Variants in PTPRQ observed in about 807,000 individuals in gnomAD.
PTPRQ encodes the protein protein tyrosine phosphatase receptor type Q.
Under a neutral mutation model 246.0 loss-of-function variants are expected in PTPRQ, and 199 were observed. The ratio of observed to expected loss-of-function variants is 0.81; its 90% CI spans 0.72 to 0.91. The LOEUF (loss-of-function observed/expected upper bound fraction) is 0.91. PTPRQ is among the 40% of genes least tolerant of loss of function. The pLI, the probability that PTPRQ is intolerant of heterozygous loss-of-function variation, is 0.00. For missense variants in PTPRQ, 2,624 were observed against 2,528.4 expected, an observed-to-expected ratio of 1.04 and a Z score of -0.81; for synonymous variants, 869 against 853.2, an observed-to-expected ratio of 1.02 and a Z score of -0.32.
rs1894219073 is a variant in PTPRQ, at chr12:80,484,797, G to C, written c.1359+192G>C. Among the ~76,000 whole-genome samples, 3 of 152,142 alleles carry C rather than the reference G, an allele frequency of 2.0e-5. No homozygotes were observed. In the South Asian group the frequency reaches 6.2e-4, roughly 31 times the overall value. On this transcript the variant is annotated intron_variant, in intron 9 of 44. Transcript: ENST00000644991. Reference sequence around the variant, plus strand: ...TTAGGTTATATATTATTAGTTAAGTGCTATTATTCCTTTTCATCATATGAA... The same window carrying C: ...TTAGGTTATATATTATTAGTTAAGTCCTATTATTCCTTTTCATCATATGAA...
intron 17 of PTPRQ, among the ~76,000 whole-genome samples, chr12:80,527,142 A>G (rs1382167659): frequency 1.3e-5 from 2 of 152,062 alleles, no homozygotes; most frequent in African/African-American, 4.8e-5. Flanking sequence ...TCTTGACTAA[A>G]TGTGTTAAAA....
intron 9 of PTPRQ, among the ~76,000 whole-genome samples, chr12:80,492,127 T>C (rs1555188057): frequency 6.6e-6 from 1 of 151,962 alleles, no homozygotes; most frequent in Non-Finnish European, 1.5e-5. Context: ...GAAAAGAGTC[T>C]AATAAGCCTC....
intron 25 of PTPRQ, among the ~76,000 whole-genome samples, chr12:80,552,329 C>T (rs533171186): frequency 6.6e-6 from 1 of 151,996 alleles, no homozygotes; most frequent in Admixed American, 6.6e-5. Context: ...GGTGGTCTAG[C>T]ACCAGGTATA....
intron 25 of PTPRQ, among the ~76,000 whole-genome samples, chr12:80,559,688 A>G (rs1896768261): frequency 6.6e-6 from 1 of 152,232 alleles, no homozygotes; most frequent in Non-Finnish European, 1.5e-5. Context: ...CAAAACAACC[A>G]TCAGTGAATA....
chr12:80,648,398 AATAATGGAAATAGTT>A (rs2307920), intron 35 of PTPRQ, among the ~76,000 whole-genome samples: 2,758 of 152,222 alleles, frequency 0.018, 73 homozygotes, highest in African/African-American at 0.063. Context: ...ATAGGTCTAA[AATAATGGAAATAGTT>A]ATAATTTGTT....
At chr12:80,555,692 A>C (rs1896624382) in intron 25 of PTPRQ, among the ~76,000 whole-genome samples, 1 of 152,206 alleles carries the variant, frequency 6.6e-6, no homozygotes, top group South Asian at 2.1e-4. Context: ...GAGGGAAATA[A>C]CTATTAGTAT....
chr12:80,642,770 A>G (rs984516356), intron 35 of PTPRQ, among the ~76,000 whole-genome samples: 1 of 150,542 alleles, frequency 6.6e-6, no homozygotes, highest in East Asian at 2.0e-4. Flanking sequence ...AATACAAAAA[A>G]TTAGCCGGGC....
In PTPRQ at chr12:80,673,318, A is replaced by G; in HGVS notation, c.6738+14A>G. 6.5e-7 allele frequency: 1 copy of G among 1,541,642 alleles called. No homozygotes were observed. Among genetic ancestry groups the G allele is most frequent in the Non-Finnish European group, 8.8e-7 (1 of 1,142,770 alleles). ...GTGCAGAATCTGGTAAGATCTCTAAACCTGCACTGCATTCTAAAGTTCTAG... is the reference window on the plus strand; with the variant it reads ...GTGCAGAATCTGGTAAGATCTCTAAGCCTGCACTGCATTCTAAAGTTCTAG... On this transcript the variant is annotated intron_variant, in intron 43 of 44. Transcript: ENST00000644991.
At chr12:80,465,535 G>A (rs1049539399) in intron 6 of PTPRQ, 12 of 152,152 alleles carry the variant, frequency 7.9e-5, no homozygotes, top group African/African-American at 1.7e-4. Context: ...TACCAAAGCC[G>A]GGTAGAGACA....
intron 14 of PTPRQ, among the ~76,000 whole-genome samples, chr12:80,498,716 G>A (rs1894704503): frequency 6.6e-6 from 1 of 151,982 alleles, no homozygotes; most frequent in African/African-American, 2.4e-5. Flanking sequence ...AGCATGGGGA[G>A]GAAAGTAATA....
intron 28 of PTPRQ, among the ~76,000 whole-genome samples, chr12:80,613,365 A>G (rs1898626372): frequency 6.6e-6 from 1 of 150,690 alleles, no homozygotes; most frequent in Non-Finnish European, 1.5e-5. Context: ...TTCTGTGTAA[A>G]AATAAGTGCA....
At chr12:80,490,389 A>G (rs1217125790) in intron 9 of PTPRQ, among the ~76,000 whole-genome samples, 8 of 152,036 alleles carry the variant, frequency 5.3e-5, no homozygotes, top group African/African-American at 1.7e-4. Context: ...AATGAAGATT[A>G]CTACATGTAA....
chr12:80,633,672 T>C (rs1473931141), intron 34 of PTPRQ, among the ~76,000 whole-genome samples: 1 of 152,244 alleles, frequency 6.6e-6, no homozygotes, highest in Non-Finnish European at 1.5e-5. Flanking sequence ...TGAAAGGCTC[T>C]TGAAAAAGAT....
At chr12:80,580,866 A>G (rs897258854) in intron 25 of PTPRQ, among the ~76,000 whole-genome samples, 1 of 152,156 alleles carries the variant, frequency 6.6e-6, no homozygotes, top group Non-Finnish European at 1.5e-5. Context: ...AATTGTCATT[A>G]TGTTTCCTAT....
chr12:80,656,776 C>A (rs1248754649), intron 38 of PTPRQ, among the ~76,000 whole-genome samples: 1 of 150,920 alleles, frequency 6.6e-6, no homozygotes, highest in South Asian at 2.1e-4. Flanking sequence ...AAGTGGTGTT[C>A]CAAATCAGGG....
chr12:80,654,587 C>T, intron 38 of PTPRQ, among the ~76,000 whole-genome samples: 1 of 151,886 alleles, frequency 6.6e-6, no homozygotes, highest in East Asian at 1.9e-4. Context: ...GTGGCTCACG[C>T]CTGTAATCCC....
chr12:80,666,572 A>G (rs1900792950), intron 39 of PTPRQ, among the ~76,000 whole-genome samples: 1 of 152,018 alleles, frequency 6.6e-6, no homozygotes, highest in Non-Finnish European at 1.5e-5. Flanking sequence ...TGTTCCCAAC[A>G]TAAAGAAATT....
chr12:80,491,933 T>G (rs577361169), intron 9 of PTPRQ, among the ~76,000 whole-genome samples: 1 of 151,952 alleles, frequency 6.6e-6, no homozygotes, highest in African/African-American at 2.4e-5. Context: ...TGAATTAATA[T>G]AAACTCTGAG....
intron 25 of PTPRQ, among the ~76,000 whole-genome samples, chr12:80,575,445 T>C (rs1403824099): frequency 6.7e-6 from 1 of 149,112 alleles, no homozygotes; most frequent in Non-Finnish European, 1.5e-5. Context: ...TAGCCTAGAG[T>C]GGTGGTGTGT....
Sources: allele counts gnomAD v4.1 joint callset (sites outside exome capture counted in the v4.1 genomes callset), GRCh38; gene constraint gnomAD v4.1.1; transcripts MANE v1.5; gene names NCBI Gene and HGNC (gene_info 2026-07-23, HGNC 2026-07-21).